The following IARS2 variants were observed in gnomAD, a reference collection of about 807,000 sequenced individuals.
IARS2 encodes isoleucyl-tRNA synthetase 2, mitochondrial.
Under a neutral mutation model 126.3 loss-of-function variants are expected in IARS2, and 56 were observed. The observed-to-expected ratio is 0.44, with a 90% confidence interval of 0.36 to 0.55. The LOEUF is 0.55. Among genes scored for constraint, IARS2 ranks in the 20% least tolerant of loss-of-function variants. The pLI is 0.00. For missense variants in IARS2, 1,127 were observed against 1,245.9 expected, an observed-to-expected ratio of 0.90 and a Z score of 1.44; for synonymous variants, 407 against 441.1, an observed-to-expected ratio of 0.92 and a Z score of 0.97.
At chr1:220,113,401 C>T (rs1451634373) in intron 11 of IARS2, among the ~76,000 whole-genome samples, 2 of 149,588 alleles carry the variant, frequency 1.3e-5, no homozygotes, top group Non-Finnish European at 3.0e-5. Context: ...CCATTTAAAC[C>T]TTCTTTGAAA....
chr1:220,143,975 G>A, intron 21 of IARS2: 1 of 1,481,692 alleles, frequency 6.7e-7, no homozygotes, highest in Admixed American at 1.7e-5. Context: ...AAGAATCCCA[G>A]GATTTTCCCT....
intron 10 of IARS2, among the ~76,000 whole-genome samples, chr1:220,108,038 A>G (rs1001701866): frequency 1.3e-4 from 20 of 152,114 alleles, no homozygotes; most frequent in African/African-American, 4.8e-4. Flanking sequence ...AGATGGGATT[A>G]CAGGCATACA....
At chr1:220,094,960 A>C (rs1249301581) in intron 1 of IARS2, among the ~76,000 whole-genome samples, 1 of 145,660 alleles carries the variant, frequency 6.9e-6, no homozygotes, top group Non-Finnish European at 1.5e-5. Context: ...AGTCACCCCC[A>C]CCCCCCCGTC....
intron 1 of IARS2, among the ~76,000 whole-genome samples, chr1:220,095,902 A>G (rs1656428466): frequency 6.6e-6 from 1 of 152,196 alleles, no homozygotes; most frequent in Non-Finnish European, 1.5e-5. Context: ...GTATGGGGAC[A>G]TTACTGAAAG....
chr1:220,103,630 G>T, intron 8 of IARS2, 68 bp downstream of exon 8: 1 of 932,956 alleles, frequency 1.1e-6, no homozygotes. Flanking sequence ...TTACTACTTT[G>T]CTGAACTGCA....
chr1:220,131,914 C>T (rs1657276683), intron 14 of IARS2, among the ~76,000 whole-genome samples: 1 of 151,648 alleles, frequency 6.6e-6, no homozygotes, highest in South Asian at 2.1e-4. Flanking sequence ...TCTCCTGCCT[C>T]AGCCTCCCGA....
chr1:220,105,922 T>A lies in IARS2; in HGVS notation c.1098T>A (p.His366Gln), dbSNP rs1448366805. The A allele has an allele frequency of 1.2e-6, 2 of 1,612,752 alleles. No homozygotes were observed. Among genetic ancestry groups the A allele is most frequent in the Non-Finnish European group, 8.5e-7 (1 of 1,179,502 alleles). Residue 366 changes from histidine (H) to glutamine (Q), a missense_variant, in exon 9 of 23, where the codon CAT (histidine) becomes CAA (glutamine). Physicochemically the swap from His to Gln is conservative, Grantham distance 24. Coordinates refer to ENST00000366922, the MANE Select transcript of IARS2 (RefSeq NM_018060.4). ...ATTTGGAAAATGGTACTTGCAGTCA[T>A]CCATTAATTCCTGATAAAGCCTCTC... is the stretch of plus-strand genomic sequence containing the variant. ...GVDLENGTCS[H>Q]PLIPDKASPL...
intron 11 of IARS2, among the ~76,000 whole-genome samples, chr1:220,111,576 GTA>G (rs148565915): frequency 0.025 from 3,518 of 139,400 alleles, 52 homozygotes; most frequent in East Asian, 0.05. Context: ...TTCTATATGG[GTA>G]TATATATATA....
chr1:220,142,961 C>T lies in IARS2; in HGVS notation c.2578C>T (p.Arg860Cys), dbSNP rs753731188. 59 of 1,608,766 alleles carry T rather than the reference C, an allele frequency of 3.7e-5. No individual in the cohort carries two copies. The highest frequency in any genetic ancestry group is 2.4e-4 in the African/African-American group (18 of 74,786). ...PYIKEPKSVF[R>C]TGWISTSSIW... ...TTCTGAAGAGCCCAAGAGTGTTTTCCGTACTGGGTGGATTAGTACTAGTTC... is the reference window on the plus strand; with the variant it reads ...TTCTGAAGAGCCCAAGAGTGTTTTCTGTACTGGGTGGATTAGTACTAGTTC... Residue 860 changes from arginine to cysteine, a missense_variant, in exon 21 of 23, where the codon CGT becomes TGT. By Grantham distance (180) the Arg-to-Cys change is radical. Transcript: ENST00000366922.
chr1:220,126,602 T>A, intron 13 of IARS2, 148 bp from the exon 14 acceptor site: 1 of 624,198 alleles, frequency 1.6e-6, no homozygotes, highest in Non-Finnish European at 2.8e-6. Flanking sequence ...TGAAGTTAAC[T>A]GTGAAATGCT....
At chr1:220,140,345 C>A in intron 19 of IARS2, 56 bp downstream of exon 19, 1 of 1,072,426 alleles carries the variant, frequency 9.3e-7, no homozygotes. Flanking sequence ...GTGACTCACG[C>A]CTGTAATCCC....
At chr1:220,107,654 T>C (rs961217187) in intron 10 of IARS2, among the ~76,000 whole-genome samples, 1 of 152,336 alleles carries the variant, frequency 6.6e-6, no homozygotes, top group Non-Finnish European at 1.5e-5. Flanking sequence ...ATTACTTTTC[T>C]AGGGCTACTG....
chr1:220,108,727 C>G (rs1406524125), intron 10 of IARS2, among the ~76,000 whole-genome samples: 2 of 151,844 alleles, frequency 1.3e-5, no homozygotes, highest in African/African-American at 4.8e-5. Flanking sequence ...CCATGTTGGC[C>G]AGGCTGGTCT....
intron 12 of IARS2, among the ~76,000 whole-genome samples, chr1:220,117,477 G>A (rs1289487262): frequency 1.3e-5 from 2 of 152,044 alleles, no homozygotes; most frequent in African/African-American, 4.8e-5. Context: ...TGGGATTACA[G>A]GCGTGAGCCA....
Position 220,102,713 on chromosome 1 carries a change from G to T in IARS2, c.886G>T (p.Val296Phe). ...IDGSSPVSIL[V>F]WTTQPWTIPA... ...TGGTTCATCTCCTGTTAGTATTTTG[G>T]TCTGGACCACACAACCTTGGACGAT... Residue 296 changes from valine (V) to phenylalanine (F), a missense_variant, in exon 7 of 23, where the codon GTC becomes TTC. Coordinates refer to ENST00000366922, the MANE Select transcript of IARS2 (RefSeq NM_018060.4). 6.2e-7 allele frequency: 1 copy of T among 1,613,440 alleles called. No homozygotes were observed.
At position 220,094,169 on chromosome 1, in the gene IARS2, C is replaced by T; in HGVS notation, c.-48C>T. ...TTGGTTTCCTGGGGTCCTGCCCCTT[C>T]AAGCTGGGGCGGGAGCGGAGGACCC... On this transcript the variant is annotated 5_prime_UTR_variant, in exon 1 of 23. Coordinates refer to ENST00000366922, the MANE Select transcript of IARS2 (RefSeq NM_018060.4). The T allele has an allele frequency of 2.0e-6, 3 of 1,492,788 alleles. No homozygotes were observed. The highest frequency in any genetic ancestry group is 2.7e-6 in the Non-Finnish European group (3 of 1,126,054). The allele number at this position is 1,492,788 out of a possible 1,614,324, so 92.5% of individuals were successfully genotyped here.
intron 15 of IARS2, chr1:220,134,747 A>T: frequency 6.8e-6 from 2 of 292,024 alleles, no homozygotes; most frequent in Non-Finnish European, 6.3e-6. Context: ...GGGGGAACTT[A>T]TGTAGTTCTT....
chr1:220,107,209 C>T, intron 10 of IARS2, 58 bp downstream of exon 10: 3 of 1,052,108 alleles, frequency 2.9e-6, no homozygotes, highest in South Asian at 2.6e-5. Flanking sequence ...TAGCAGTAAC[C>T]TTTGCTACCT....
intron 11 of IARS2, 85 bp downstream of exon 11, chr1:220,111,022 C>T: frequency 8.0e-7 from 1 of 1,254,864 alleles, no homozygotes; most frequent in South Asian, 1.4e-5. Flanking sequence ...GGTGGGGTTT[C>T]AGGAGTAATA....
Sources: allele counts gnomAD v4.1 joint callset (sites outside exome capture counted in the v4.1 genomes callset), GRCh38; gene constraint gnomAD v4.1.1; transcripts MANE v1.5; gene names NCBI Gene and HGNC (gene_info 2026-07-23, HGNC 2026-07-21).